The following TLE1 variants were observed in gnomAD, a reference collection of about 807,000 sequenced individuals.
The protein encoded by TLE1 is transducin-like enhancer protein 1.
A neutral mutation model predicts 89.8 loss-of-function variants in TLE1; 21 were observed. The ratio of observed to expected loss-of-function variants is 0.23; its 90% CI spans 0.17 to 0.34. TLE1 has a LOEUF of 0.34. Among genes scored for constraint, TLE1 ranks in the 10% least tolerant of loss-of-function variants. The pLI is 1.00. For missense variants in TLE1, 795 were observed against 1,031.2 expected, an observed-to-expected ratio of 0.77 and a Z score of 3.14; for synonymous variants, 447 against 407.6, an observed-to-expected ratio of 1.10 and a Z score of -1.16.
At chr9:81,661,253 T>G (rs955766195) in intron 4 of TLE1, among the ~76,000 whole-genome samples, 1 of 150,468 alleles carries the variant, frequency 6.6e-6, no homozygotes, top group African/African-American at 2.4e-5. Flanking sequence ...TCTGAGTAGC[T>G]GAACTTAAGA....
Position 81,613,487 on chromosome 9 carries a change from C to T in TLE1, c.953G>A (p.Ser318Asn), listed in dbSNP as rs1823985983. 6.2e-7 allele frequency: 1 copy of T among 1,614,060 alleles called. No individual in the cohort carries two copies. The highest frequency in any genetic ancestry group is 1.3e-5 in the African/African-American group (1 of 74,918). The change falls in exon 12 of 20, where the codon AGC becomes AAC. Residue 318 changes from serine (S) to asparagine (N), a missense_variant. Physicochemically the swap from Ser to Asn is conservative, Grantham distance 46. Coordinates refer to ENST00000376499, the MANE Select transcript of TLE1 (RefSeq NM_005077.5). ...CATGTCGCTCCGAGGCGTTGGTGTG[C>T]TGGATTTCAGAACAGGCGTGCTGGC... is the stretch of plus-strand genomic sequence containing the variant. ...EKASTPVLKS[S>N]TPTPRSDMPT... is the part of the protein sequence containing the mutation.
chr9:81,687,648 C>CA (rs1834487825), intron 1 of TLE1, among the ~76,000 whole-genome samples: 1 of 152,102 alleles, frequency 6.6e-6, no homozygotes, highest in African/African-American at 2.4e-5. Flanking sequence ...AAGCTCTTCC[C>CA]AGTCTCCAGG....
intron 8 of TLE1, among the ~76,000 whole-genome samples, chr9:81,627,384 G>A (rs911903921): frequency 3.3e-5 from 5 of 151,314 alleles, no homozygotes; most frequent in South Asian, 2.1e-4. Context: ...AAACCTGAAC[G>A]TTAATCCAGT....
rs760689687 is a variant in TLE1, at chr9:81,620,566, CA to C, written c.595-10del. On this transcript the variant is annotated splice_polypyrimidine_tract_variant and intron_variant, in intron 8 of 19. Coordinates refer to ENST00000376499, the MANE Select transcript of TLE1 (RefSeq NM_005077.5). The stretch of plus-strand genomic sequence containing the variant: ...ACCAGGAGGGAATTACTCTGCAAGA[CA>C]AAAAAATTAATCAAAGATTTCTTCC... The C allele has an allele frequency of 7.5e-6, 12 of 1,598,928 alleles. No individual in the cohort carries two copies. In the Admixed American group the frequency reaches 1.1e-4, roughly 14 times the overall value.
At chr9:81,677,807 A>T (rs1833094509) in intron 4 of TLE1, among the ~76,000 whole-genome samples, 1 of 152,182 alleles carries the variant, frequency 6.6e-6, no homozygotes, top group Admixed American at 6.5e-5. Context: ...CATCTAATGG[A>T]TAATGAATAT....
At chr9:81,665,205 T>C (rs1831312974) in intron 4 of TLE1, among the ~76,000 whole-genome samples, 1 of 152,218 alleles carries the variant, frequency 6.6e-6, no homozygotes, top group Non-Finnish European at 1.5e-5. Context: ...ATTTGCCTTC[T>C]GTGGAAAACC....
At chr9:81,596,014 G>A (rs932443255) in intron 14 of TLE1, among the ~76,000 whole-genome samples, 61 of 151,904 alleles carry the variant, frequency 4.0e-4, no homozygotes, top group African/African-American at 1.4e-3. Flanking sequence ...TTTCCATGAG[G>A]CACCCTTTCA....
At chr9:81,620,810 T>A in intron 8 of TLE1, 1 of 1,254,900 alleles carries the variant, frequency 8.0e-7, no homozygotes, top group Admixed American at 2.9e-5. Flanking sequence ...AATGTGCTTC[T>A]GTCCTATTTA....
At chr9:81,628,603 G>A (rs1458579477) in intron 8 of TLE1, among the ~76,000 whole-genome samples, 1 of 152,150 alleles carries the variant, frequency 6.6e-6, no homozygotes, top group Non-Finnish European at 1.5e-5. Flanking sequence ...AGAACAGCTA[G>A]AGAAGAGTAA....
chr9:81,651,709 T>C (rs946907131), intron 6 of TLE1, among the ~76,000 whole-genome samples: 4 of 152,186 alleles, frequency 2.6e-5, no homozygotes, highest in African/African-American at 7.2e-5. Context: ...TGATCTAACA[T>C]TGTAAGACAG....
chr9:81,685,740 T>C lies in TLE1; in HGVS notation c.190-20A>G, dbSNP rs1258924707. 1.9e-6 allele frequency: 3 copies of C among 1,612,696 alleles called. No individual in the cohort carries two copies. The highest frequency in any genetic ancestry group is 2.7e-5 in the African/African-American group (2 of 74,864). On this transcript the variant is annotated intron_variant, in intron 3 of 19. Coordinates refer to ENST00000376499, the MANE Select transcript of TLE1 (RefSeq NM_005077.5). ...ATAATACTGTAAAGAGAAAAAAGAA[T>C]CAAGCATTTCATTAACTCATGTTTT...
chr9:81,676,384 C>A (rs963259435), intron 4 of TLE1, among the ~76,000 whole-genome samples: 3 of 152,148 alleles, frequency 2.0e-5, no homozygotes, highest in Non-Finnish European at 4.4e-5. Context: ...GCTGTGACAG[C>A]CTGCCACTGG....
At chr9:81,592,202 C>T (rs1295095942) in intron 15 of TLE1, among the ~76,000 whole-genome samples, 1 of 152,040 alleles carries the variant, frequency 6.6e-6, no homozygotes, top group South Asian at 2.1e-4. Flanking sequence ...ACTAAAAATA[C>T]AAAAAATTAG....
At chr9:81,687,534 A>G in intron 1 of TLE1, 100 bp from the exon 2 acceptor site, 1 of 864,884 alleles carries the variant, frequency 1.2e-6, no homozygotes, top group South Asian at 1.6e-5. Flanking sequence ...ATAAACATAA[A>G]GTTAGAAGTG....
At chr9:81,607,741 G>A (rs528353177) in intron 14 of TLE1, among the ~76,000 whole-genome samples, 1 of 152,158 alleles carries the variant, frequency 6.6e-6, no homozygotes, top group South Asian at 2.1e-4. Flanking sequence ...GAAGCAGGGG[G>A]GCATTCCCAA....
At chr9:81,591,301 G>C (rs922733984) in intron 15 of TLE1, among the ~76,000 whole-genome samples, 2 of 152,142 alleles carry the variant, frequency 1.3e-5, no homozygotes, top group African/African-American at 4.8e-5. Flanking sequence ...AAACTATCTA[G>C]GTATGAGGTA....
intron 4 of TLE1, among the ~76,000 whole-genome samples, chr9:81,678,990 T>TA (rs1296270605): frequency 6.6e-6 from 1 of 151,506 alleles, no homozygotes; most frequent in Non-Finnish European, 1.5e-5. Flanking sequence ...AAAAATAATT[T>TA]AAAAAAAATT....
At chr9:81,672,104 G>C (rs552935284) in intron 4 of TLE1, among the ~76,000 whole-genome samples, 1 of 152,118 alleles carries the variant, frequency 6.6e-6, no homozygotes, top group Non-Finnish European at 1.5e-5. Context: ...CCATGAACGC[G>C]GAGCTTCTCA....
At chr9:81,632,191 ATATTT>A (rs1376851460) in intron 8 of TLE1, among the ~76,000 whole-genome samples, 1 of 152,174 alleles carries the variant, frequency 6.6e-6, no homozygotes, top group East Asian at 1.9e-4. Flanking sequence ...TGTGTGTAGA[ATATTT>A]TATTTCCCAG....
Sources: allele counts gnomAD v4.1 joint callset (sites outside exome capture counted in the v4.1 genomes callset), GRCh38; gene constraint gnomAD v4.1.1; transcripts MANE v1.5; gene names NCBI Gene and HGNC (gene_info 2026-07-23, HGNC 2026-07-21).